Variants in FCHO2 observed in about 807,000 individuals in gnomAD.
The protein encoded by FCHO2 is F-BAR domain only protein 2.
FCHO2 carries 43 observed loss-of-function variants against 114.1 expected under a neutral mutation model. That is an observed-to-expected ratio of 0.38 (90% CI 0.30 to 0.49). The LOEUF is 0.49. Ranked by LOEUF, FCHO2 falls within the 20% of genes least tolerant of loss-of-function variation. FCHO2 has a pLI of 0.97. For missense variants in FCHO2, 807 were observed against 950.4 expected, an observed-to-expected ratio of 0.85 and a Z score of 1.98; for synonymous variants, 293 against 315.2, an observed-to-expected ratio of 0.93 and a Z score of 0.75.
At chr5:72,983,317 A>G (rs1561421522) in intron 2 of FCHO2, among the ~76,000 whole-genome samples, 1 of 152,100 alleles carries the variant, frequency 6.6e-6, no homozygotes, top group Non-Finnish European at 1.5e-5. Flanking sequence ...TCAACCTGTC[A>G]TCTACATATC....
intron 11 of FCHO2, among the ~76,000 whole-genome samples, chr5:73,048,759 T>G (rs1757190569): frequency 6.8e-6 from 1 of 147,464 alleles, no homozygotes; most frequent in Non-Finnish European, 1.5e-5. Flanking sequence ...TGCTGAGTTT[T>G]TCTCTGTAGG....
At chr5:72,959,599 T>C (rs1427859997) in intron 1 of FCHO2, among the ~76,000 whole-genome samples, 1 of 152,228 alleles carries the variant, frequency 6.6e-6, no homozygotes, top group Non-Finnish European at 1.5e-5. Flanking sequence ...CTCTAGCATT[T>C]AAAGTGGAAC....
At chr5:73,045,939 T>A (rs1319369255) in intron 11 of FCHO2, among the ~76,000 whole-genome samples, 2 of 152,256 alleles carry the variant, frequency 1.3e-5, no homozygotes, top group Admixed American at 1.3e-4. Flanking sequence ...GTAGGTTATT[T>A]GAATCCTTTT....
chr5:73,061,953 T>G (rs1173870287), intron 17 of FCHO2, among the ~76,000 whole-genome samples: 1 of 152,138 alleles, frequency 6.6e-6, no homozygotes, highest in African/African-American at 2.4e-5. Flanking sequence ...GATTCTAGAT[T>G]AGTTTCCACT....
chr5:73,087,957 T>C (rs764989683), intron 25 of FCHO2, 111 bp from the exon 26 acceptor site: 7 of 1,456,710 alleles, frequency 4.8e-6, no homozygotes, highest in Admixed American at 1.9e-5. Context: ...GATTCTAATG[T>C]ACTGTAAATA....
chr5:73,001,790 T>A (rs549933266), intron 5 of FCHO2, among the ~76,000 whole-genome samples: 5 of 151,776 alleles, frequency 3.3e-5, no homozygotes, highest in East Asian at 3.9e-4. Flanking sequence ...AGAAAAAAAA[T>A]TAGCCAGGCG....
chr5:72,970,116 A>G (rs1218670774), intron 2 of FCHO2, among the ~76,000 whole-genome samples: 1 of 152,166 alleles, frequency 6.6e-6, no homozygotes, highest in Non-Finnish European at 1.5e-5. Flanking sequence ...TTTTTGAAAT[A>G]TAGTACAGAT....
chr5:72,990,967 T>G, intron 5 of FCHO2, 103 bp downstream of exon 5: 1 of 1,296,888 alleles, frequency 7.7e-7, no homozygotes, highest in Non-Finnish European at 1.0e-6. Context: ...ATTTTAAAGA[T>G]GAAGACACTG....
At chr5:73,041,569 C>A (rs1276287224) in intron 11 of FCHO2, among the ~76,000 whole-genome samples, 1 of 152,028 alleles carries the variant, frequency 6.6e-6, no homozygotes, top group Non-Finnish European at 1.5e-5. Flanking sequence ...GGTGCCATAT[C>A]ATTCTGTTTT....
intron 5 of FCHO2, among the ~76,000 whole-genome samples, chr5:73,004,813 A>G (rs911517736): frequency 2.0e-5 from 3 of 152,176 alleles, no homozygotes; most frequent in Non-Finnish European, 4.4e-5. Context: ...TGATGTTATT[A>G]CAGTATGTTG....
intron 6 of FCHO2, 29 bp downstream of exon 6, chr5:73,006,578 A>C (rs1429295068): frequency 7.2e-7 from 1 of 1,397,394 alleles, no homozygotes; most frequent in Admixed American, 3.1e-5. Flanking sequence ...CAGATTGAAA[A>C]CAGGGCATTT....
chr5:73,005,213 C>T (rs970854837), intron 5 of FCHO2, among the ~76,000 whole-genome samples: 3 of 152,114 alleles, frequency 2.0e-5, no homozygotes, highest in African/African-American at 4.8e-5. Context: ...TACCTCTTAC[C>T]AAACCCAAAC....
intron 17 of FCHO2, among the ~76,000 whole-genome samples, chr5:73,062,029 G>T (rs1410616356): frequency 5.3e-5 from 8 of 152,104 alleles, no homozygotes; most frequent in African/African-American, 1.9e-4. Flanking sequence ...ATGTCTGAGG[G>T]CAGATATAGA....
chr5:73,063,793 G>A, intron 17 of FCHO2, 48 bp from the exon 18 acceptor site: 1 of 1,502,438 alleles, frequency 6.7e-7, no homozygotes, highest in Non-Finnish European at 9.2e-7. Flanking sequence ...TGTAAGGATT[G>A]CTACATACTA....
chr5:73,009,668 C>G (rs1353261085), intron 6 of FCHO2, among the ~76,000 whole-genome samples: 3 of 152,148 alleles, frequency 2.0e-5, no homozygotes, highest in African/African-American at 7.2e-5. Flanking sequence ...TCCTGAGTAA[C>G]TGGGACTGCA....
At chr5:72,988,158 G>A (rs1753634867) in intron 2 of FCHO2, among the ~76,000 whole-genome samples, 1 of 152,124 alleles carries the variant, frequency 6.6e-6, no homozygotes, top group Non-Finnish European at 1.5e-5. Flanking sequence ...AGGCCAAACA[G>A]GCCGGGCGCA....
chr5:73,015,720 G>A lies in FCHO2; in HGVS notation c.695G>A (p.Gly232Asp), dbSNP rs1375915968. 9.6e-6 allele frequency: 15 copies of A among 1,559,340 alleles called. No homozygotes were observed. The highest frequency in any genetic ancestry group is 1.4e-5 in the African/African-American group (1 of 71,306). ...ATAAAGGAAATTCATTTGCAGATAG[G>A]CCAGGTAAGTTTTTTTACTTTATGT... ...NAIKEIHLQIGQVHEEFINNM... is the reference protein window; with the variant it reads ...NAIKEIHLQIDQVHEEFINNM... Residue 232 changes from glycine (G) to aspartate (D), a missense_variant, in exon 7 of 26, where the codon GGC becomes GAC. By Grantham distance (94) the Gly-to-Asp change is moderately conservative. Coordinates refer to ENST00000430046, the MANE Select transcript of FCHO2 (RefSeq NM_138782.3).
chr5:72,982,374 C>G (rs547789439), intron 2 of FCHO2, among the ~76,000 whole-genome samples: 1 of 151,998 alleles, frequency 6.6e-6, no homozygotes, highest in African/African-American at 2.4e-5. Flanking sequence ...GCCAGCTGCC[C>G]CCTTATTGGG....
At chr5:72,983,038 C>T (rs910931116) in intron 2 of FCHO2, among the ~76,000 whole-genome samples, 4 of 151,610 alleles carry the variant, frequency 2.6e-5, no homozygotes, top group South Asian at 2.1e-4. Context: ...CTCAGCCTCC[C>T]GAGTAGCTGG....
Sources: gnomAD v4.1 joint callset for allele counts (sites outside exome capture counted in the v4.1 genomes callset) on GRCh38, gnomAD v4.1.1 for gene constraint, MANE v1.5 for transcripts, NCBI Gene and HGNC (gene_info 2026-07-23, HGNC 2026-07-21) for gene names.